ITFG1: variants seen among roughly 807,000 people sequenced by gnomAD.
ITFG1 encodes the protein T-cell immunomodulatory protein.
A neutral mutation model predicts 81.8 loss-of-function variants in ITFG1; 34 were observed. The ratio of observed to expected loss-of-function variants is 0.42; its 90% CI spans 0.32 to 0.55. ITFG1 has a LOEUF of 0.55. Ranked by LOEUF, ITFG1 falls within the 20% of genes least tolerant of loss-of-function variation. ITFG1 has a pLI of 0.17. For missense variants in ITFG1, 672 were observed against 755.4 expected, an observed-to-expected ratio of 0.89 and a Z score of 1.29; for synonymous variants, 285 against 270.6, an observed-to-expected ratio of 1.05 and a Z score of -0.52.
chr16:47,226,111 T>A (rs1965754089), intron 13 of ITFG1, among the ~76,000 whole-genome samples: 1 of 152,182 alleles, frequency 6.6e-6, no homozygotes, highest in South Asian at 2.1e-4. Context: ...AGAGCAAAGT[T>A]TTTACAAGCT....
At chr16:47,280,285 C>G (rs931309811) in intron 10 of ITFG1, among the ~76,000 whole-genome samples, 2 of 151,992 alleles carry the variant, frequency 1.3e-5, no homozygotes, top group Admixed American at 1.3e-4. Context: ...TGATGACGTT[C>G]CCTTGTATTC....
chr16:47,445,844 G>A (rs1969318005), intron 5 of ITFG1, among the ~76,000 whole-genome samples: 2 of 152,150 alleles, frequency 1.3e-5, no homozygotes. Context: ...ATATGAAGGA[G>A]CACCACCAAA....
intron 13 of ITFG1, among the ~76,000 whole-genome samples, chr16:47,235,564 G>A (rs550094512): frequency 4.7e-4 from 72 of 152,156 alleles, no homozygotes; most frequent in African/African-American, 1.7e-3. Context: ...AAGGAATATG[G>A]GTGGGATCGG....
intron 13 of ITFG1, among the ~76,000 whole-genome samples, chr16:47,220,785 A>G (rs1215391490): frequency 6.6e-6 from 1 of 152,238 alleles, no homozygotes; most frequent in East Asian, 1.9e-4. Context: ...AGTGTAACAG[A>G]GTAGTGTAGA....
At chr16:47,268,390 C>G (rs1006250344) in intron 10 of ITFG1, among the ~76,000 whole-genome samples, 11 of 152,250 alleles carry the variant, frequency 7.2e-5, no homozygotes, top group African/African-American at 2.2e-4. Flanking sequence ...AAAGAAAACT[C>G]CAGACCGAAA....
At chr16:47,287,274 A>C (rs1234729151) in intron 10 of ITFG1, among the ~76,000 whole-genome samples, 2 of 152,074 alleles carry the variant, frequency 1.3e-5, no homozygotes, top group African/African-American at 4.8e-5. Flanking sequence ...AGAGGTGGGG[A>C]TCTTGCTCTA....
intron 12 of ITFG1, among the ~76,000 whole-genome samples, chr16:47,240,987 T>C (rs1167616514): frequency 6.6e-6 from 1 of 151,932 alleles, no homozygotes; most frequent in Non-Finnish European, 1.5e-5. Flanking sequence ...ATAACTCCAC[T>C]GAACTATACC....
intron 6 of ITFG1, among the ~76,000 whole-genome samples, chr16:47,400,457 TACACACACACAC>T (rs111375193): frequency 2.2e-5 from 3 of 136,964 alleles, no homozygotes; most frequent in Non-Finnish European, 3.2e-5. Context: ...AGAGTCACTT[TACACACACACAC>T]ACACACACAC....
chr16:47,202,344 A>G (rs755760027), intron 14 of ITFG1: 5 of 152,222 alleles, frequency 3.3e-5, no homozygotes, highest in Non-Finnish European at 7.3e-5. Flanking sequence ...TAACGTCGAA[A>G]GAAAATTATG....
chr16:47,231,073 C>G (rs1460585086), intron 13 of ITFG1, among the ~76,000 whole-genome samples: 1 of 152,166 alleles, frequency 6.6e-6, no homozygotes, highest in African/African-American at 2.4e-5. Context: ...TAAGCACCAG[C>G]CCCTCTGTTA....
chr16:47,238,419 G>C (rs1965898943), intron 12 of ITFG1: 3 of 153,562 alleles, frequency 2.0e-5, no homozygotes, highest in South Asian at 4.1e-4. Flanking sequence ...TCTCAAACTA[G>C]ACTTTTTTCA....
chr16:47,340,759 A>G (rs1394492382), intron 8 of ITFG1, among the ~76,000 whole-genome samples: 7 of 152,214 alleles, frequency 4.6e-5, no homozygotes, highest in Non-Finnish European at 1.5e-5. Flanking sequence ...TGGTCCAACT[A>G]TATGTTGTCT....
At chr16:47,400,012 A>G (rs936919190) in intron 6 of ITFG1, among the ~76,000 whole-genome samples, 2 of 152,210 alleles carry the variant, frequency 1.3e-5, no homozygotes, top group Non-Finnish European at 2.9e-5. Flanking sequence ...GATACTTTGC[A>G]TGTGTTCTCT....
At chr16:47,260,460 T>A (rs1966196113) in intron 11 of ITFG1, 85 bp downstream of exon 11, 1 of 1,432,734 alleles carries the variant, frequency 7.0e-7, no homozygotes, top group Non-Finnish European at 9.6e-7. Context: ...GTTGTCCACA[T>A]TTTCTGGTCA....
intron 8 of ITFG1, among the ~76,000 whole-genome samples, chr16:47,351,725 C>T (rs571403522): frequency 0.34 from 311 of 920 alleles, 2 homozygotes; most frequent in South Asian, 0.38. Context: ...AAAGTTCATA[C>T]GGAACCAAAA....
intron 6 of ITFG1, among the ~76,000 whole-genome samples, chr16:47,393,011 G>A (rs1439388399): frequency 6.6e-6 from 1 of 152,222 alleles, no homozygotes; most frequent in African/African-American, 2.4e-5. Context: ...GAGAAGCTAT[G>A]TCCAAAGATG....
chr16:47,186,005 T>C (rs908404183), intron 14 of ITFG1, among the ~76,000 whole-genome samples: 1 of 151,958 alleles, frequency 6.6e-6, no homozygotes. Flanking sequence ...AACTAGAAAA[T>C]CTAGAAGAAA....
At chr16:47,168,352 C>T (rs958315600) in intron 14 of ITFG1, among the ~76,000 whole-genome samples, 2 of 152,008 alleles carry the variant, frequency 1.3e-5, no homozygotes, top group African/African-American at 4.8e-5. Flanking sequence ...AATATTTTCT[C>T]CCTTTTCAGT....
At chr16:47,240,879 G>A (rs1483630946) in intron 12 of ITFG1, among the ~76,000 whole-genome samples, 1 of 152,010 alleles carries the variant, frequency 6.6e-6, no homozygotes, top group African/African-American at 2.4e-5. Flanking sequence ...TGGGGAGTAG[G>A]GGAAAGGGAA....
Sources: allele counts gnomAD v4.1 joint callset (sites outside exome capture counted in the v4.1 genomes callset), GRCh38; gene constraint gnomAD v4.1.1; transcripts MANE v1.5; gene names NCBI Gene and HGNC (gene_info 2026-07-23, HGNC 2026-07-21).